RERE: variants seen among roughly 807,000 people sequenced by gnomAD.
RERE encodes arginine-glutamic acid dipeptide repeats protein.
Under a neutral mutation model 146.1 loss-of-function variants are expected in RERE, and 40 were observed. The observed-to-expected ratio is 0.27, with a 90% CI of 0.21 to 0.36. The LOEUF is 0.36. Among genes scored for constraint, RERE ranks in the 10% least tolerant of loss-of-function variants. The pLI is 1.00. For missense variants in RERE, 1,933 were observed against 2,138.7 expected (o/e 0.90, Z 1.90); for synonymous variants, 1,003 against 866.0 (o/e 1.16, Z -2.78).
At chr1:8,595,791 T>C (rs530151652) in intron 4 of RERE, among the ~76,000 whole-genome samples, 2 of 152,258 alleles carry the variant, frequency 1.3e-5, no homozygotes, top group South Asian at 2.1e-4. Flanking sequence ...GGTAGAGATA[T>C]AGATATATTT....
chr1:8,547,165 T>C (rs1645874327), intron 6 of RERE, among the ~76,000 whole-genome samples: 1 of 149,862 alleles, frequency 6.7e-6, no homozygotes. Flanking sequence ...TATTAAAACA[T>C]ACTATAAAGC....
At chr1:8,559,659 GA>G (rs1557686656) in intron 4 of RERE, among the ~76,000 whole-genome samples, 1 of 151,986 alleles carries the variant, frequency 6.6e-6, no homozygotes, top group Non-Finnish European at 1.5e-5. Flanking sequence ...TCTGACTTGA[GA>G]AAAAATGGGA....
chr1:8,601,017 C>CT (rs34455445), intron 4 of RERE, among the ~76,000 whole-genome samples: 1,348 of 95,008 alleles, frequency 0.014, 67 homozygotes, highest in South Asian at 0.025. Context: ...GTCTCCCAAA[C>CT]TTTTTTTTTT....
chr1:8,427,637 T>TAAA (rs33996085), intron 11 of RERE, among the ~76,000 whole-genome samples: 3,578 of 116,200 alleles, frequency 0.031, 73 homozygotes, highest in Non-Finnish European at 0.038. Context: ...GGCCCCACTT[T>TAAA]AAAAAAAAAA....
chr1:8,646,618 T>C (rs930001438), intron 2 of RERE, among the ~76,000 whole-genome samples: 4 of 152,128 alleles, frequency 2.6e-5, no homozygotes, highest in Admixed American at 6.5e-5. Flanking sequence ...AAAATATAAT[T>C]ACACTGTAGG....
At chr1:8,717,818 T>C (rs894388700) in intron 1 of RERE, among the ~76,000 whole-genome samples, 11 of 152,190 alleles carry the variant, frequency 7.2e-5, no homozygotes, top group East Asian at 5.8e-4. Context: ...ATAATTCACA[T>C]AGAAGATGCC....
intron 4 of RERE, among the ~76,000 whole-genome samples, chr1:8,566,744 C>T (rs1382648398): frequency 1.3e-5 from 2 of 151,936 alleles, no homozygotes; most frequent in East Asian, 1.9e-4. Flanking sequence ...CTGGTACATC[C>T]AATATATAGC....
intron 4 of RERE, among the ~76,000 whole-genome samples, chr1:8,572,977 G>C (rs1056515257): frequency 2.8e-4 from 43 of 152,266 alleles, no homozygotes; most frequent in Middle Eastern, 3.4e-3. Context: ...CATATACAGA[G>C]ACAGGTTTAA....
At chr1:8,438,613 G>C (rs1321836225) in intron 11 of RERE, among the ~76,000 whole-genome samples, 1 of 152,110 alleles carries the variant, frequency 6.6e-6, no homozygotes, top group Admixed American at 6.5e-5. Flanking sequence ...AGGAGAGCTG[G>C]GCTCTGATTC....
chr1:8,754,652 T>C (rs1428409677), intron 1 of RERE, among the ~76,000 whole-genome samples: 1 of 152,230 alleles, frequency 6.6e-6, no homozygotes, highest in Non-Finnish European at 1.5e-5. Flanking sequence ...AAAGAATCTA[T>C]GGTTCTCCAA....
At chr1:8,567,072 A>G (rs1196305344) in intron 4 of RERE, among the ~76,000 whole-genome samples, 1 of 152,146 alleles carries the variant, frequency 6.6e-6, no homozygotes, top group Admixed American at 6.5e-5. Context: ...TTCTGGTGTG[A>G]GGCACCGCAC....
intron 12 of RERE, among the ~76,000 whole-genome samples, chr1:8,372,346 T>C (rs1012939250): frequency 2.0e-5 from 3 of 152,076 alleles, no homozygotes; most frequent in South Asian, 2.1e-4. Flanking sequence ...ACACCCAAGA[T>C]TGAGTCCCAC....
chr1:8,572,916 CTCAAAAGTACTTCAGG>C (rs1164012661), intron 4 of RERE, among the ~76,000 whole-genome samples: 3 of 152,154 alleles, frequency 2.0e-5, no homozygotes, highest in African/African-American at 7.2e-5. Context: ...TAGTGGTCTT[CTCAAAAGTACTTCAGG>C]ATAGCAGGAA....
intron 8 of RERE, among the ~76,000 whole-genome samples, chr1:8,507,283 G>A (rs891010069): frequency 2.6e-5 from 4 of 152,094 alleles, no homozygotes; most frequent in African/African-American, 4.8e-5. Flanking sequence ...TCTGAAAAAC[G>A]TAAAAACAAC....
intron 4 of RERE, among the ~76,000 whole-genome samples, chr1:8,563,049 G>GAA (rs1248026518): frequency 1.3e-5 from 2 of 152,166 alleles, no homozygotes; most frequent in African/African-American, 4.8e-5. Context: ...GAAGGCAATG[G>GAA]AAACAGGCAA....
intron 3 of RERE, among the ~76,000 whole-genome samples, 154 bp downstream of exon 3, chr1:8,624,156 C>T (rs1458693485): frequency 1.3e-5 from 2 of 152,108 alleles, no homozygotes; most frequent in African/African-American, 4.8e-5. Context: ...AACTAGTAAC[C>T]CTCATTTCAG....
rs1402822353 is a variant in RERE, at chr1:8,484,348, C to T, written c.1104+10715G>A. On this transcript the variant is annotated intron_variant, in intron 10 of 22. Transcript: ENST00000400908. ...AAACACACACAGAAATATTTCCACA[C>T]AAGATCTTTCTGGGGAAACACCATT... Among the ~76,000 whole-genome samples the T allele has an allele frequency of 4.6e-5, 7 of 151,996 alleles. No individual in the cohort carries two copies. In the East Asian group the frequency reaches 1.3e-3, roughly 29 times the overall value.
chr1:8,406,272 G>A (rs960259453), intron 12 of RERE, among the ~76,000 whole-genome samples: 2 of 151,880 alleles, frequency 1.3e-5, no homozygotes, highest in Non-Finnish European at 2.9e-5. Context: ...AGGGTCTCAC[G>A]ATGTTGCCCA....
chr1:8,456,559 T>C (rs1361028023), intron 11 of RERE, among the ~76,000 whole-genome samples: 3 of 152,292 alleles, frequency 2.0e-5, no homozygotes, highest in Middle Eastern at 3.4e-3. Flanking sequence ...AGAGATACAA[T>C]GTTAGGAGAA....
Sources: allele counts gnomAD v4.1 joint callset (sites outside exome capture counted in the v4.1 genomes callset), GRCh38; gene constraint gnomAD v4.1.1; transcripts MANE v1.5; gene names NCBI Gene and HGNC (gene_info 2026-07-23, HGNC 2026-07-21).